Variants in ASTN1 observed in about 807,000 individuals in gnomAD.
The protein encoded by ASTN1 is astrotactin 1, also known as astrotactin-1.
Under a neutral mutation model 140.7 loss-of-function variants are expected in ASTN1, and 41 were observed. That is an observed-to-expected ratio of 0.29 (90% CI 0.23 to 0.38). ASTN1 has a LOEUF of 0.38. ASTN1 is among the 10% of genes least tolerant of loss of function. The pLI, the probability that ASTN1 is intolerant of heterozygous loss-of-function variation, is 1.00. For synonymous variants in ASTN1, 640 were observed against 652.2 expected (o/e 0.98, Z 0.29); for missense variants, 1,479 against 1,678.8 (o/e 0.88, Z 2.08).
At chr1:176,948,704 C>T (rs1672058712) in intron 12 of ASTN1, among the ~76,000 whole-genome samples, 1 of 152,166 alleles carries the variant, frequency 6.6e-6, no homozygotes, top group Non-Finnish European at 1.5e-5. Context: ...GGAGGAGTGG[C>T]TGCACACAGT....
chr1:176,864,919 C>T (rs1030436034), intron 22 of ASTN1, among the ~76,000 whole-genome samples: 1 of 152,178 alleles, frequency 6.6e-6, no homozygotes, highest in African/African-American at 2.4e-5. Context: ...ATTTCCCTTT[C>T]CAATGCCGCT....
At chr1:177,071,361 T>C (rs189547095) in intron 1 of ASTN1, among the ~76,000 whole-genome samples, 59 of 152,276 alleles carry the variant, frequency 3.9e-4, no homozygotes, top group African/African-American at 1.3e-3. Flanking sequence ...AGGGTGGTGA[T>C]TGTGGTCAGG....
chr1:177,030,772 T>C, intron 4 of ASTN1, 34 bp downstream of exon 4: 1 of 1,613,102 alleles, frequency 6.2e-7, no homozygotes, highest in Non-Finnish European at 8.5e-7. Flanking sequence ...TATGAAGGAA[T>C]CCACCCACGA....
chr1:177,013,524 C>T (rs1054957668), intron 8 of ASTN1, among the ~76,000 whole-genome samples: 2 of 152,148 alleles, frequency 1.3e-5, no homozygotes, highest in African/African-American at 2.4e-5. Flanking sequence ...ACCCATTTGT[C>T]ACCATATTTA....
In ASTN1 at chr1:177,024,691, G is replaced by A; in HGVS notation, c.1162C>T (p.Leu388=). The A allele has an allele frequency of 1.9e-6, 3 of 1,614,136 alleles. No homozygotes were observed. The highest frequency in any genetic ancestry group is 2.5e-6 in the Non-Finnish European group (3 of 1,180,004). The change falls in exon 6 of 23, where the codon CTG becomes TTG. Residue 388 remains leucine, a synonymous_variant. Transcript: ENST00000361833. ...RSPVNKTTLT[L]ISITSCVIGL... is the part of the protein sequence containing the mutation. ...ATCACACAGCTGGTGATGCTGATCA[G>A]GGTCAAGGTGGTCTTATTCACAGGA...
intron 8 of ASTN1, among the ~76,000 whole-genome samples, chr1:176,986,939 T>C (rs1673936304): frequency 6.6e-6 from 1 of 152,166 alleles, no homozygotes; most frequent in Non-Finnish European, 1.5e-5. Context: ...AATGAGCTAA[T>C]CTCACTATAA....
rs1668989531 is a variant in ASTN1 at position 176,885,314 on chromosome 1, T to C, written c.3075-824A>G. 3.3e-5 allele frequency among the ~76,000 whole-genome samples: 5 copies of C among 152,200 alleles called. No homozygotes were observed. In the South Asian group the frequency reaches 6.2e-4, roughly 19 times the overall value. On this transcript the variant is annotated intron_variant, in intron 18 of 22. Coordinates refer to ENST00000361833, the MANE Select transcript of ASTN1 (RefSeq NM_004319.3). Reference sequence around the variant, plus strand: ...ACCACTGTCTTGCCTTGCCAGCTCATACCTCTCTGTACCTCGCAGAAACTT... The same window carrying C: ...ACCACTGTCTTGCCTTGCCAGCTCACACCTCTCTGTACCTCGCAGAAACTT...
At chr1:177,107,977 A>G (rs906905160) in intron 1 of ASTN1, among the ~76,000 whole-genome samples, 4 of 152,116 alleles carry the variant, frequency 2.6e-5, no homozygotes, top group Non-Finnish European at 5.9e-5. Flanking sequence ...AATTTAACCA[A>G]CAGTTGATGC....
chr1:177,098,252 C>G (rs1680126349), intron 1 of ASTN1, among the ~76,000 whole-genome samples: 1 of 152,056 alleles, frequency 6.6e-6, no homozygotes, highest in Non-Finnish European at 1.5e-5. Flanking sequence ...TGAATTGAAT[C>G]ACTGGACACC....
chr1:176,974,270 C>T (rs1673267420), intron 8 of ASTN1, among the ~76,000 whole-genome samples: 1 of 152,020 alleles, frequency 6.6e-6, no homozygotes, highest in Non-Finnish European at 1.5e-5. Flanking sequence ...GGGTTGAATA[C>T]TTTTTTAATA....
intron 1 of ASTN1, among the ~76,000 whole-genome samples, chr1:177,138,663 G>C (rs1162886036): frequency 6.6e-6 from 1 of 152,106 alleles, no homozygotes; most frequent in African/African-American, 2.4e-5. Context: ...ATTTAGAAGA[G>C]GTTTTGTGAG....
chr1:177,062,239 T>TTTTTTTTTTTC (rs909023364), intron 1 of ASTN1, among the ~76,000 whole-genome samples: 7 of 146,374 alleles, frequency 4.8e-5, no homozygotes, highest in Middle Eastern at 3.5e-3. Flanking sequence ...AAAATTTTTC[T>TTTTTTTTTTTC]TTTTTTTTTT....
chr1:177,082,603 A>G (rs1679233997), intron 1 of ASTN1, among the ~76,000 whole-genome samples: 1 of 152,210 alleles, frequency 6.6e-6, no homozygotes, highest in Non-Finnish European at 1.5e-5. Flanking sequence ...TCTCAGCGCC[A>G]GGATGTGGCC....
Position 177,035,370 on chromosome 1 carries a change from CA to C in ASTN1, c.472-2522del, listed in dbSNP as rs139996622. On this transcript the variant is annotated intron_variant, in intron 2 of 22. Coordinates refer to ENST00000361833, the MANE Select transcript of ASTN1 (RefSeq NM_004319.3). ...ATAGGAGAGTATGGATGAATACATC[CA>C]GACCCATTGTCAGTTCTGGAAGAAA... 2.4e-3 allele frequency among the ~76,000 whole-genome samples: 370 copies of C among 152,296 alleles called. 1 individual carries two copies. Among genetic ancestry groups the C allele is most frequent in the African/African-American group, 8.5e-3 (353 of 41,554 alleles).
At chr1:177,089,158 A>G (rs1251052898) in intron 1 of ASTN1, among the ~76,000 whole-genome samples, 3 of 152,174 alleles carry the variant, frequency 2.0e-5, no homozygotes, top group Non-Finnish European at 4.4e-5. Context: ...GTGACCCAGA[A>G]GCTGACGCCC....
At chr1:177,128,148 A>G (rs1681759888) in intron 1 of ASTN1, among the ~76,000 whole-genome samples, 1 of 152,202 alleles carries the variant, frequency 6.6e-6, no homozygotes, top group Admixed American at 6.5e-5. Context: ...ATTAGGGAAA[A>G]CAAGATAATT....
intron 11 of ASTN1, among the ~76,000 whole-genome samples, chr1:176,953,884 T>G (rs1672296358): frequency 6.6e-6 from 1 of 152,200 alleles, no homozygotes; most frequent in Admixed American, 6.5e-5. Flanking sequence ...TAAGGCATTT[T>G]TTGGCCACTT....
intron 22 of ASTN1, among the ~76,000 whole-genome samples, chr1:176,865,983 C>G (rs1029817628): frequency 2.6e-5 from 4 of 152,196 alleles, no homozygotes; most frequent in Admixed American, 6.5e-5. Context: ...ATTACCTCCC[C>G]TGAGGTCCCT....
In ASTN1 at chr1:176,876,588, C is replaced by T. The variant is rs778027121; in HGVS notation, c.3412G>A (p.Asp1138Asn). 20 of 1,614,154 alleles carry T rather than the reference C, an allele frequency of 1.2e-5. No individual in the cohort carries two copies. The highest frequency in any genetic ancestry group is 2.2e-5 in the South Asian group (2 of 91,082). ...GGGCATGGGGTCTTCACGATCACGT[C>T]GCTTGGCCTGGAGCGCCGTCCTGTG... ...DNTGRRSRPSDVIVKTPCPVV... is the reference protein window; with the variant it reads ...DNTGRRSRPSNVIVKTPCPVV... The change falls in exon 21 of 23, where the codon GAC (aspartate) becomes AAC (asparagine). Residue 1138 changes from aspartate (D) to asparagine (N), a missense_variant. Physicochemically the swap from Asp to Asn is conservative, Grantham distance 23. Transcript: ENST00000361833.
Sources: gnomAD v4.1 joint callset for allele counts (sites outside exome capture counted in the v4.1 genomes callset) on GRCh38, gnomAD v4.1.1 for gene constraint, MANE v1.5 for transcripts, NCBI Gene and HGNC (gene_info 2026-07-23, HGNC 2026-07-21) for gene names.